The following FRMD4A variants were observed in gnomAD, a reference collection of about 807,000 sequenced individuals.
FRMD4A encodes FERM domain-containing protein 4A.
A neutral mutation model predicts 129.1 loss-of-function variants in FRMD4A; 29 were observed. The observed-to-expected ratio is 0.22, with a 90% CI of 0.17 to 0.31. The LOEUF is 0.31. Among genes scored for constraint, FRMD4A ranks in the 10% least tolerant of loss-of-function variants. FRMD4A has a pLI of 1.00. For missense variants in FRMD4A, 1,272 were observed against 1,375.8 expected, an observed-to-expected ratio of 0.92 and a Z score of 1.19; for synonymous variants, 634 against 571.6, an observed-to-expected ratio of 1.11 and a Z score of -1.56.
At chr10:14,010,293 G>T (rs1301019873) in intron 2 of FRMD4A, among the ~76,000 whole-genome samples, 1 of 152,172 alleles carries the variant, frequency 6.6e-6, no homozygotes, top group East Asian at 1.9e-4. Flanking sequence ...GCATAGTTCA[G>T]ATCATAAGGG....
chr10:14,012,647 C>T (rs781448281), intron 2 of FRMD4A, among the ~76,000 whole-genome samples: 18 of 152,130 alleles, frequency 1.2e-4, no homozygotes, highest in Non-Finnish European at 2.2e-4. Flanking sequence ...CCAGTGCCCG[C>T]GCGGATGCAT....
chr10:13,809,151 A>G (rs1326474239), intron 4 of FRMD4A, among the ~76,000 whole-genome samples: 1 of 152,094 alleles, frequency 6.6e-6, no homozygotes, highest in African/African-American at 2.4e-5. Flanking sequence ...CTGGGAGAAG[A>G]GTGACTTTCT....
intron 3 of FRMD4A, among the ~76,000 whole-genome samples, chr10:13,812,629 G>A (rs1240074626): frequency 6.6e-6 from 1 of 152,200 alleles, no homozygotes; most frequent in Non-Finnish European, 1.5e-5. Flanking sequence ...AGTTTAAAAA[G>A]CCAAAGAAGA....
intron 2 of FRMD4A, among the ~76,000 whole-genome samples, chr10:13,993,057 T>C (rs530849241): frequency 6.7e-6 from 1 of 149,720 alleles, no homozygotes; most frequent in Non-Finnish European, 1.5e-5. Context: ...CCTATGTCCC[T>C]ACAAAACTTT....
intron 21 of FRMD4A, among the ~76,000 whole-genome samples, chr10:13,658,661 A>T (rs1363522039): frequency 6.6e-6 from 1 of 152,140 alleles, no homozygotes; most frequent in African/African-American, 2.4e-5. Context: ...TGGGTGGATC[A>T]CCTGAGGTCA....
rs2094551847 is a variant in FRMD4A, at chr10:13,881,993, GT to G, written c.46-23082del. Among the ~76,000 whole-genome samples, 459 of 146,282 alleles carry G rather than the reference GT, an allele frequency of 3.1e-3. 7 individuals are homozygous for G. The highest frequency in any genetic ancestry group is 7.5e-3 in the African/African-American group (289 of 38,500). ...AATGTGCTTGGGGAGAGGCAAGGGT[GT>G]GTGTGTGTGTGTGTGTGTGTGTGTG... On this transcript the variant is annotated intron_variant, in intron 2 of 24. Transcript: ENST00000357447.
chr10:13,852,940 TCTAA>T (rs1185107172), intron 3 of FRMD4A, among the ~76,000 whole-genome samples: 1 of 152,242 alleles, frequency 6.6e-6, no homozygotes, highest in African/African-American at 2.4e-5. Context: ...ATGGCAATAA[TCTAA>T]CTGTTATCTT....
At chr10:14,273,276 C>A (rs998061283) in intron 2 of FRMD4A, among the ~76,000 whole-genome samples, 6 of 151,924 alleles carry the variant, frequency 3.9e-5, no homozygotes, top group Non-Finnish European at 8.8e-5. Context: ...ATATATATAT[C>A]TTTTTAGGGG....
chr10:14,190,112 A>G (rs1842272063), intron 2 of FRMD4A, among the ~76,000 whole-genome samples: 1 of 152,230 alleles, frequency 6.6e-6, no homozygotes. Context: ...TTTGACTAAG[A>G]AAACGGTTTT....
chr10:13,795,102 G>C (rs1045736537), intron 5 of FRMD4A, among the ~76,000 whole-genome samples: 2 of 152,200 alleles, frequency 1.3e-5, no homozygotes, highest in Admixed American at 6.5e-5. Flanking sequence ...CATCACCAGG[G>C]AGGTGGGGAG....
At position 13,656,761 on chromosome 10, in the gene FRMD4A, C is replaced by T; in HGVS notation, c.2828G>A (p.Ser943Asn). 4.4e-6 allele frequency: 7 copies of T among 1,599,220 alleles called. No individual in the cohort carries two copies. Among genetic ancestry groups the T allele is most frequent in the Non-Finnish European group, 6.0e-6 (7 of 1,174,038 alleles). Residue 943 changes from serine to asparagine, a missense_variant, in exon 22 of 25, where the codon AGC (serine) becomes AAC (asparagine). Ser to Asn is a conservative substitution (Grantham distance 46). Coordinates refer to ENST00000357447, the MANE Select transcript of FRMD4A (RefSeq NM_018027.5). ...GGTGGAGCTGGTGTGCGACAGGCGG[C>T]TGTGCTCCTTGTGCGAGGCGGTGGA... ...QRSTASHKEH[S>N]RLSHTSSTSS...
intron 2 of FRMD4A, among the ~76,000 whole-genome samples, chr10:13,905,760 T>C (rs2094875702): frequency 6.6e-6 from 1 of 152,216 alleles, no homozygotes; most frequent in Admixed American, 6.5e-5. Context: ...AGGAAGCAGA[T>C]TTGTATCCAA....
chr10:13,975,655 G>A (rs997773432), intron 2 of FRMD4A, among the ~76,000 whole-genome samples: 3 of 151,732 alleles, frequency 2.0e-5, no homozygotes, highest in Admixed American at 2.0e-4. Flanking sequence ...CTCTATGTGT[G>A]TTTGTGTCTG....
intron 3 of FRMD4A, among the ~76,000 whole-genome samples, chr10:13,840,706 T>G (rs888614244): frequency 2.0e-5 from 3 of 147,426 alleles, no homozygotes; most frequent in African/African-American, 7.6e-5. Context: ...GAGAATCGCT[T>G]GAACCCAGGG....
chr10:13,818,307 G>A (rs183872063), intron 3 of FRMD4A, among the ~76,000 whole-genome samples: 2 of 152,028 alleles, frequency 1.3e-5, no homozygotes, highest in East Asian at 3.9e-4. Context: ...GGGACTACAG[G>A]TATGTACCAC....
At chr10:13,665,380 A>G (rs542383345) in intron 18 of FRMD4A, among the ~76,000 whole-genome samples, 1 of 152,208 alleles carries the variant, frequency 6.6e-6, no homozygotes, top group East Asian at 1.9e-4. Flanking sequence ...TTTCTAGAGC[A>G]AAGGTATTTT....
intron 2 of FRMD4A, among the ~76,000 whole-genome samples, chr10:14,086,693 T>C (rs937899811): frequency 2.6e-5 from 4 of 152,208 alleles, no homozygotes; most frequent in Non-Finnish European, 5.9e-5. Flanking sequence ...TGACTCAATC[T>C]CTTATGAGAG....
intron 2 of FRMD4A, among the ~76,000 whole-genome samples, chr10:13,982,500 G>C (rs565949309): frequency 2.3e-5 from 3 of 130,150 alleles, no homozygotes; most frequent in Admixed American, 7.5e-5. Flanking sequence ...GGAGGGGAGG[G>C]GGGGGAAGGG....
chr10:13,880,384 C>A (rs1409934723), intron 2 of FRMD4A, among the ~76,000 whole-genome samples: 1 of 152,218 alleles, frequency 6.6e-6, no homozygotes, highest in African/African-American at 2.4e-5. Context: ...ATATCCAGAA[C>A]CTGAACACTT....
Sources: gnomAD v4.1 joint callset for allele counts (sites outside exome capture counted in the v4.1 genomes callset) on GRCh38, gnomAD v4.1.1 for gene constraint, MANE v1.5 for transcripts, NCBI Gene and HGNC (gene_info 2026-07-23, HGNC 2026-07-21) for gene names.